The following LAMC3 variants were observed in gnomAD, a reference collection of about 807,000 sequenced individuals.
LAMC3 encodes the protein laminin subunit gamma-3.
In LAMC3, 128 loss-of-function variants were observed where a neutral mutation model predicts 173.8. The observed-to-expected ratio is 0.74, with a 90% confidence interval of 0.64 to 0.85. LAMC3 has a LOEUF of 0.85. LAMC3 is among the 40% of genes least tolerant of loss of function. The probability of loss-of-function intolerance (pLI) is 0.00; values close to 1 mark genes in which losing one functional copy is unlikely to be tolerated. For synonymous variants in LAMC3, 897 were observed against 909.1 expected (o/e 0.99, Z 0.24); for missense variants, 2,022 against 2,156.0 (o/e 0.94, Z 1.23).
intron 17 of LAMC3, among the ~76,000 whole-genome samples, chr9:131,070,579 C>T (rs369897021): frequency 3.9e-5 from 6 of 152,064 alleles, no homozygotes; most frequent in African/African-American, 1.4e-4. Context: ...GGTGGGGTGG[C>T]GCGCACCTGT....
In LAMC3 at chr9:131,069,000, G is replaced by A; in HGVS notation, c.2840G>A (p.Cys947Tyr). 6.2e-7 allele frequency: 1 copy of A among 1,614,096 alleles called. No individual in the cohort carries two copies. Among genetic ancestry groups the A allele is most frequent in the Non-Finnish European group, 8.5e-7 (1 of 1,180,030 alleles). ...CGCCCAGGTGTCACAGGCCAGGCCT[G>A]TGACAGGTGCCAGCTGGGTTTCTTC... Reference protein sequence around the residue: ...TCRPGVTGQACDRCQLGFFGF... With the variant: ...TCRPGVTGQAYDRCQLGFFGF... Residue 947 changes from cysteine to tyrosine, a missense_variant, in exon 16 of 28, where the codon TGT (cysteine) becomes TAT (tyrosine). Cys to Tyr is a radical substitution (Grantham distance 194, BLOSUM62 -2). Coordinates refer to ENST00000361069, the MANE Select transcript of LAMC3 (RefSeq NM_006059.4).
intron 20 of LAMC3, among the ~76,000 whole-genome samples, chr9:131,073,827 C>T (rs963989969): frequency 6.6e-6 from 1 of 152,142 alleles, no homozygotes; most frequent in Non-Finnish European, 1.5e-5. Flanking sequence ...CACTATTCTA[C>T]TTTCTGTCTC....
chr9:131,028,991 G>T (rs1250550763), intron 2 of LAMC3, among the ~76,000 whole-genome samples: 1 of 152,204 alleles, frequency 6.6e-6, no homozygotes, highest in African/African-American at 2.4e-5. Flanking sequence ...CTGGAGGCTG[G>T]CAGTGTAGAC....
At position 131,039,142 on chromosome 9, in the gene LAMC3, C is replaced by T. The variant is rs1833997750; in HGVS notation, c.1177C>T (p.Leu393Phe). 6.2e-7 allele frequency: 1 copy of T among 1,611,344 alleles called. No individual in the cohort carries two copies. Among genetic ancestry groups the T allele is most frequent in the African/African-American group, 1.3e-5 (1 of 74,924 alleles). ...CDCQSAGSLH[L>F]QCDDTGTCAC... ...CCTTCCTCTCCCAGGCTCCCTACAC[C>T]TCCAGTGCGATGACACAGGCACCTG... Residue 393 changes from leucine (L) to phenylalanine (F), a missense_variant, in exon 6 of 28, where the codon CTC becomes TTC. Coordinates refer to ENST00000361069, the MANE Select transcript of LAMC3 (RefSeq NM_006059.4).
intron 13 of LAMC3, among the ~76,000 whole-genome samples, chr9:131,065,487 G>A (rs569390088): frequency 3.3e-5 from 5 of 152,318 alleles, no homozygotes; most frequent in Admixed American, 2.0e-4. Context: ...ATGAGGAAAA[G>A]GACGAGGAGA....
chr9:131,062,189 G>T (rs1278063800), intron 13 of LAMC3, among the ~76,000 whole-genome samples: 1 of 151,878 alleles, frequency 6.6e-6, no homozygotes, highest in African/African-American at 2.4e-5. Flanking sequence ...GGTGAAACCC[G>T]TCTCTACTAA....
intron 4 of LAMC3, among the ~76,000 whole-genome samples, chr9:131,037,993 C>T (rs1336390234): frequency 1.3e-5 from 2 of 152,228 alleles, no homozygotes; most frequent in African/African-American, 2.4e-5. Flanking sequence ...TGCCATCACA[C>T]GACATGCCGT....
intron 20 of LAMC3, among the ~76,000 whole-genome samples, chr9:131,075,112 T>A (rs1433001984): frequency 6.6e-6 from 1 of 150,736 alleles, no homozygotes; most frequent in Non-Finnish European, 1.5e-5. Flanking sequence ...AAAAATAATT[T>A]TAAAAATTAG....
At chr9:131,032,602 TTCTCTC>T (rs148698819) in intron 3 of LAMC3, among the ~76,000 whole-genome samples, 6,173 of 118,740 alleles carry the variant, frequency 0.052, 420 homozygotes, top group African/African-American at 0.16. Flanking sequence ...CTCACTCGCT[TTCTCTC>T]TCTCTCTCTC....
intron 15 of LAMC3, 82 bp from the exon 16 acceptor site, chr9:131,068,826 C>T: frequency 1.3e-6 from 2 of 1,507,960 alleles, no homozygotes; most frequent in African/African-American, 2.7e-5. Context: ...TGATCTGAGG[C>T]CCCAGCCAGC....
intron 8 of LAMC3, among the ~76,000 whole-genome samples, chr9:131,046,451 T>C (rs1045753805): frequency 6.7e-6 from 1 of 148,904 alleles, no homozygotes; most frequent in African/African-American, 2.5e-5. Flanking sequence ...TCAAGTAGTC[T>C]GCCCACCTCC....
intron 18 of LAMC3, among the ~76,000 whole-genome samples, 189 bp from the exon 19 acceptor site, chr9:131,072,441 A>T (rs1430449685): frequency 6.6e-6 from 1 of 152,104 alleles, no homozygotes; most frequent in African/African-American, 2.4e-5. Context: ...ACCTCGGGTC[A>T]TGTTTGCCTT....
At chr9:131,074,142 G>A (rs1159031659) in intron 20 of LAMC3, among the ~76,000 whole-genome samples, 2 of 150,678 alleles carry the variant, frequency 1.3e-5, no homozygotes, top group African/African-American at 4.9e-5. Context: ...AGAGATGGGG[G>A]TTTCACTGTG....
intron 12 of LAMC3, among the ~76,000 whole-genome samples, chr9:131,059,272 C>G (rs539193676): frequency 4.6e-5 from 7 of 151,968 alleles, no homozygotes; most frequent in African/African-American, 1.7e-4. Context: ...GTGGGCAGAT[C>G]ATGCAGTCAG....
intron 6 of LAMC3, among the ~76,000 whole-genome samples, chr9:131,041,400 G>A (rs1034068067): frequency 6.9e-6 from 1 of 144,336 alleles, no homozygotes; most frequent in African/African-American, 2.5e-5. Flanking sequence ...GAGTGAGTGC[G>A]TGGATGACAG....
chr9:131,061,352 G>A (rs1420352019), intron 13 of LAMC3, 129 bp downstream of exon 13: 1 of 749,198 alleles, frequency 1.3e-6, no homozygotes, highest in South Asian at 1.8e-5. Flanking sequence ...CCAGCTTACG[G>A]GCAGCAGGCA....
chr9:131,032,145 A>G lies in LAMC3; in HGVS notation c.779A>G (p.Tyr260Cys), dbSNP rs1312404410. 6.2e-7 allele frequency: 1 copy of G among 1,607,698 alleles called. No homozygotes were observed. Among genetic ancestry groups the G allele is most frequent in the Admixed American group, 1.7e-5 (1 of 59,576 alleles). The change falls in exon 3 of 28, where the codon TAT becomes TGT. Residue 260 changes from tyrosine (Y) to cysteine (C), a missense_variant. By Grantham distance (194) the Tyr-to-Cys change is radical. Transcript: ENST00000361069. ...CCCAAGGTGCTCCAGTCCTACTATT[A>G]TGCCGTGTCCGACTTCTCTGTGGGC... ...KDPKVLQSYY[Y>C]AVSDFSVGGR... is the part of the protein sequence containing the mutation.
At chr9:131,036,123 C>G (rs201883127) in intron 3 of LAMC3, 43 bp from the exon 4 acceptor site, 26 of 1,608,454 alleles carry the variant, frequency 1.6e-5, no homozygotes, top group Non-Finnish European at 2.0e-5. Flanking sequence ...GTCTGCCCTG[C>G]CGGCACCTGC....
In LAMC3 at chr9:131,050,074, G is replaced by A. The variant is rs74533649; in HGVS notation, c.1630+944G>A. 4.6e-5 allele frequency among the ~76,000 whole-genome samples: 7 copies of A among 152,352 alleles called. No homozygotes were observed. The East Asian group carries it at 7.7e-4, about 17-fold the overall frequency. ...GGAAGTCAAAGGCGTCGGGCCCCTC[G>A]TGGGGCAGGCGCTCCAAGCTCAGAG... On this transcript the variant is annotated intron_variant, in intron 9 of 27. Transcript: ENST00000361069.
Sources: gnomAD v4.1 joint callset for allele counts (sites outside exome capture counted in the v4.1 genomes callset) on GRCh38, gnomAD v4.1.1 for gene constraint, MANE v1.5 for transcripts, NCBI Gene and HGNC (gene_info 2026-07-23, HGNC 2026-07-21) for gene names.